The following TECRL variants were observed in gnomAD, a reference collection of about 807,000 sequenced individuals.
TECRL encodes trans-2,3-enoyl-CoA reductase like, also known as trans-2,3-enoyl-CoA reductase-like.
In TECRL, 63 loss-of-function variants were observed where a neutral mutation model predicts 52.8. The ratio of observed to expected loss-of-function variants is 1.19; its 90% confidence interval spans 0.97 to 1.47. The LOEUF is 1.47. Ranked by LOEUF, TECRL falls within the 40% of genes most tolerant of loss-of-function variation. The pLI, the probability that TECRL is intolerant of heterozygous loss-of-function variation, is 0.00. For synonymous variants in TECRL, 164 were observed against 141.9 expected, an observed-to-expected ratio of 1.16 and a Z score of -1.10; for missense variants, 482 against 429.6, an observed-to-expected ratio of 1.12 and a Z score of -1.08.
intron 11 of TECRL, 53 bp from the exon 12 acceptor site, chr4:64,280,252 A>T: frequency 2.1e-6 from 2 of 971,526 alleles, no homozygotes; most frequent in Non-Finnish European, 2.8e-6. Context: ...ATGAAATGTT[A>T]TATTAGGAAA....
At chr4:64,327,238 C>A (rs758807167) in intron 3 of TECRL, among the ~76,000 whole-genome samples, 14 of 151,870 alleles carry the variant, frequency 9.2e-5, no homozygotes, top group Non-Finnish European at 2.1e-4. Flanking sequence ...TTTTTAAGGA[C>A]ACTGCGACAA....
intron 4 of TECRL, among the ~76,000 whole-genome samples, chr4:64,319,237 G>T (rs1256204420): frequency 6.6e-6 from 1 of 151,416 alleles, no homozygotes; most frequent in African/African-American, 2.4e-5. Context: ...GAGAAATAAG[G>T]GTTATAGAAC....
intron 8 of TECRL, among the ~76,000 whole-genome samples, chr4:64,296,795 A>C (rs1042373908): frequency 6.6e-6 from 1 of 151,796 alleles, no homozygotes; most frequent in African/African-American, 2.4e-5. Flanking sequence ...GGTCATGGAA[A>C]TATAAAGAGA....
chr4:64,345,766 C>T (rs1321886411), intron 2 of TECRL, among the ~76,000 whole-genome samples: 1 of 151,552 alleles, frequency 6.6e-6, no homozygotes, highest in African/African-American at 2.4e-5. Flanking sequence ...TCCTGTTGAA[C>T]CTAATGCCTT....
downstream of TECRL, among the ~76,000 whole-genome samples, chr4:64,277,215 T>C (rs1251060364): frequency 1.3e-5 from 2 of 151,900 alleles, no homozygotes; most frequent in Admixed American, 6.6e-5. Context: ...AAAATGTCTG[T>C]CATATAGGTA....
intron 1 of TECRL, among the ~76,000 whole-genome samples, chr4:64,382,330 T>C (rs1287789914): frequency 1.4e-5 from 2 of 145,680 alleles, no homozygotes; most frequent in Non-Finnish European, 3.0e-5. Context: ...CTATATTATA[T>C]ATATATACAC....
intron 1 of TECRL, among the ~76,000 whole-genome samples, chr4:64,403,344 C>T (rs1313168089): frequency 6.6e-6 from 1 of 151,728 alleles, no homozygotes; most frequent in African/African-American, 2.4e-5. Context: ...GGATATCACA[C>T]AGGAATCTCC....
At chr4:64,369,162 GT>G (rs1318676651) in intron 2 of TECRL, among the ~76,000 whole-genome samples, 4 of 152,070 alleles carry the variant, frequency 2.6e-5, no homozygotes, top group Non-Finnish European at 5.9e-5. Context: ...GTTCAGAAAT[GT>G]TTATGACACA....
chr4:64,317,071 G>A (rs1459739645), intron 4 of TECRL, among the ~76,000 whole-genome samples: 3 of 152,146 alleles, frequency 2.0e-5, no homozygotes, highest in Non-Finnish European at 4.4e-5. Context: ...AAGGTCAGGA[G>A]ATCGAGACCA....
intron 4 of TECRL, among the ~76,000 whole-genome samples, chr4:64,318,908 A>G (rs535573948): frequency 6.6e-6 from 1 of 152,084 alleles, no homozygotes; most frequent in East Asian, 1.9e-4. Flanking sequence ...AGGATAAAGT[A>G]TTTGTTAGAT....
chr4:64,365,783 T>C (rs988292613), intron 2 of TECRL, among the ~76,000 whole-genome samples: 1 of 151,646 alleles, frequency 6.6e-6, no homozygotes, highest in Non-Finnish European at 1.5e-5. Context: ...AGAATCAATA[T>C]TGTTAAAATG....
rs767154982 is a variant in TECRL, at chr4:64,289,718, T to C, written c.824A>G (p.Asn275Ser). The part of the protein sequence containing the change: ...HFINVMLSHP[N>S]HTGNNACFPS... Reference sequence around the variant, plus strand: ...AAGAAAAAAGAACTAACCTGTGTGATTGGGATGAGACAACATTACATTGAT... The same window carrying C: ...AAGAAAAAAGAACTAACCTGTGTGACTGGGATGAGACAACATTACATTGAT... The change falls in exon 9 of 12, where the codon AAT becomes AGT. Residue 275 changes from asparagine (N) to serine (S), a missense_variant. By Grantham distance (46) the Asn-to-Ser change is conservative (BLOSUM62 1). Coordinates refer to ENST00000381210, the MANE Select transcript of TECRL (RefSeq NM_001010874.5). The C allele has an allele frequency of 4.5e-6, 7 of 1,542,282 alleles. No individual in the cohort carries two copies. The highest frequency in any genetic ancestry group is 3.9e-5 in the South Asian group (3 of 76,774).
At position 64,281,485 on chromosome 4, in the gene TECRL, A is replaced by G; in HGVS notation, c.907T>C (p.Tyr303His). The G allele has an allele frequency of 6.3e-7, 1 of 1,594,256 alleles. No individual in the cohort carries two copies. Among genetic ancestry groups the G allele is most frequent in the East Asian group, 2.2e-5 (1 of 44,546 alleles). Residue 303 changes from tyrosine to histidine, a missense_variant, in exon 10 of 12, where the codon TAC becomes CAC. Tyr to His is a moderately conservative substitution (Grantham distance 83). Transcript: ENST00000381210. ...WMFFLVSCPN[Y>H]TYEIGSWISF... ...CATAAATAACATACCTCATAGGTGT[A>G]GTTAGGACATGAAACCAGGAAAAAC...
At chr4:64,287,796 C>T (rs1655249025) in intron 9 of TECRL, among the ~76,000 whole-genome samples, 1 of 152,028 alleles carries the variant, frequency 6.6e-6, no homozygotes, top group South Asian at 2.1e-4. Flanking sequence ...TTATTTTAGT[C>T]TATGGAAATG....
intron 4 of TECRL, among the ~76,000 whole-genome samples, chr4:64,318,852 A>G (rs908709610): frequency 6.6e-6 from 1 of 152,040 alleles, no homozygotes; most frequent in Non-Finnish European, 1.5e-5. Flanking sequence ...ATGTAAGTTC[A>G]GCATTAGAAG....
chr4:64,389,025 C>G (rs1366411448), intron 1 of TECRL, among the ~76,000 whole-genome samples: 1 of 151,658 alleles, frequency 6.6e-6, no homozygotes, highest in East Asian at 1.9e-4. Flanking sequence ...TGGGTTTTTC[C>G]AGACCAATTA....
At chr4:64,302,299 G>C (rs1724069272) in intron 7 of TECRL, among the ~76,000 whole-genome samples, 1 of 151,392 alleles carries the variant, frequency 6.6e-6, no homozygotes, top group East Asian at 1.9e-4. Context: ...AATTTGATGA[G>C]AATAGATTGT....
Position 64,314,693 on chromosome 4 carries a change from T to G in TECRL, c.506A>C (p.Tyr169Ser). The G allele has an allele frequency of 6.2e-7, 1 of 1,613,494 alleles. No individual in the cohort carries two copies. Among genetic ancestry groups the G allele is most frequent in the Non-Finnish European group, 8.5e-7 (1 of 1,179,740 alleles). ...TCTTCTAGCACTCTCTTTTCCATCA[T>G]ATATACATGGGATCCTCAAATAAAA... Reference protein sequence around the residue: ...LLFYLRIPCIYDGKESARRLR... With the variant: ...LLFYLRIPCISDGKESARRLR... Residue 169 changes from tyrosine (Y) to serine (S), a missense_variant, in exon 5 of 12, where the codon TAT (tyrosine) becomes TCT (serine). By Grantham distance (144) the Tyr-to-Ser change is moderately radical. Coordinates refer to ENST00000381210, the MANE Select transcript of TECRL (RefSeq NM_001010874.5).
chr4:64,382,356 C>G (rs926607813), intron 1 of TECRL, among the ~76,000 whole-genome samples: 2 of 145,748 alleles, frequency 1.4e-5, no homozygotes, highest in Admixed American at 1.4e-4. Context: ...TACACACACA[C>G]TTACACACAC....
Sources: allele counts gnomAD v4.1 joint callset (sites outside exome capture counted in the v4.1 genomes callset), GRCh38; gene constraint gnomAD v4.1.1; transcripts MANE v1.5; gene names NCBI Gene and HGNC (gene_info 2026-07-23, HGNC 2026-07-21).